The following EXD3 variants were observed in gnomAD, a reference collection of about 807,000 sequenced individuals.
EXD3 encodes the protein exonuclease mut-7 homolog.
EXD3 carries 92 observed loss-of-function variants against 98.0 expected under a neutral mutation model. That is an observed-to-expected ratio of 0.94 (90% confidence interval 0.79 to 1.12). The LOEUF (loss-of-function observed/expected upper bound fraction) is 1.12, where lower values mean the gene tolerates loss of function less well. Ranked by LOEUF, EXD3 falls within the 50% of genes most tolerant of loss-of-function variation. EXD3 has a pLI of 0.00. For missense variants in EXD3, 1,222 were observed against 1,191.6 expected (o/e 1.03, Z -0.38); for synonymous variants, 569 against 526.0 (o/e 1.08, Z -1.12).
chr9:137,366,404 C>T (rs59618117), intron 7 of EXD3, 89 bp downstream of exon 7: 58,413 of 1,503,408 alleles, frequency 0.039, 1,293 homozygotes, highest in Middle Eastern at 0.099. Context: ...AGCTCTCCCA[C>T]GCGCCTGCTG....
At chr9:137,410,503 A>T (rs1837942569) in intron 1 of EXD3, among the ~76,000 whole-genome samples, 1 of 151,960 alleles carries the variant, frequency 6.6e-6, no homozygotes, top group Non-Finnish European at 1.5e-5. Flanking sequence ...AAAAAAAAAA[A>T]AATTAACAAC....
intron 10 of EXD3, chr9:137,353,176 T>C (rs1487551456): frequency 5.0e-5 from 48 of 958,064 alleles, no homozygotes; most frequent in African/African-American, 4.8e-4. Flanking sequence ...CTGACCTTCC[T>C]GGCCTCCAAG....
At chr9:137,392,165 G>C (rs1490222147) in intron 2 of EXD3, 1 of 152,374 alleles carries the variant, frequency 6.6e-6, no homozygotes, top group African/African-American at 2.4e-5. Context: ...AGTTTTAGGA[G>C]GAAAGGAATC....
intron 17 of EXD3, among the ~76,000 whole-genome samples, chr9:137,328,214 T>A (rs374149712): frequency 7.0e-6 from 1 of 142,988 alleles, no homozygotes; most frequent in South Asian, 2.2e-4. Context: ...TACTCCCATA[T>A]GATGAGTAAA....
chr9:137,343,926 T>C (rs11526464), intron 17 of EXD3, among the ~76,000 whole-genome samples: 98,148 of 103,592 alleles, frequency 0.95, 46,486 homozygotes, highest in East Asian at 1. Flanking sequence ...GAGTCTCACT[T>C]TGTCTCCCAG....
chr9:137,326,157 G>A (rs902161230), intron 17 of EXD3, among the ~76,000 whole-genome samples: 2 of 151,658 alleles, frequency 1.3e-5, no homozygotes, highest in South Asian at 2.1e-4. Context: ...GGATTTCTTC[G>A]ATATGACACC....
At chr9:137,365,963 C>T (rs761071547) in intron 7 of EXD3, 19 of 506,392 alleles carry the variant, frequency 3.8e-5, no homozygotes, top group African/African-American at 5.8e-5. Flanking sequence ...GCACATATCA[C>T]GTGCACACAC....
intron 19 of EXD3, among the ~76,000 whole-genome samples, chr9:137,319,636 G>T (rs577067985): frequency 2.2e-4 from 33 of 152,296 alleles, no homozygotes; most frequent in African/African-American, 7.5e-4. Flanking sequence ...AGCACCTCTC[G>T]GGACTCCAGA....
intron 1 of EXD3, among the ~76,000 whole-genome samples, chr9:137,398,997 G>A (rs781240807): frequency 9.2e-5 from 14 of 151,904 alleles, no homozygotes; most frequent in Non-Finnish European, 1.5e-4. Context: ...CGTGACACGC[G>A]TCCAACATCC....
chr9:137,307,046 C>A lies in EXD3; in HGVS notation c.2535G>T (p.Leu845=), dbSNP rs576576838. The A allele has an allele frequency of 2.7e-5, 43 of 1,612,238 alleles. No homozygotes were observed. In the South Asian group the frequency reaches 4.7e-4, roughly 18 times the overall value. ...CTCGGAAGTGGGTGGCAACACGACC[C>A]AGGTGGGAGCCGTCCCAGAAGACCT... ...CGKVFWDGSH[L]GRVATHFRDM... Residue 845 remains leucine (L), a synonymous_variant, in exon 22 of 22, where the codon CTG becomes CTT. Transcript: ENST00000340951.
At chr9:137,418,774 A>G (rs1223284762) in intron 1 of EXD3, among the ~76,000 whole-genome samples, 2 of 152,144 alleles carry the variant, frequency 1.3e-5, no homozygotes, top group African/African-American at 4.8e-5. Context: ...AACAGAAAAA[A>G]AAAAAGGGGA....
At chr9:137,378,495 G>A (rs950745269) in intron 3 of EXD3, among the ~76,000 whole-genome samples, 3 of 152,204 alleles carry the variant, frequency 2.0e-5, no homozygotes, top group Non-Finnish European at 2.9e-5. Flanking sequence ...ACAGCCGTGA[G>A]CCACCACACC....
chr9:137,367,142 AC>A (rs1245197497), intron 6 of EXD3, among the ~76,000 whole-genome samples: 1 of 151,624 alleles, frequency 6.6e-6, no homozygotes, highest in African/African-American at 2.4e-5. Flanking sequence ...AAGACTCCTC[AC>A]CTCCCTTCCC....
Position 137,348,202 on chromosome 9 carries a change from G to A in EXD3, c.1867C>T (p.Pro623Ser). 1 of 1,611,904 alleles carries A rather than the reference G, an allele frequency of 6.2e-7. No homozygotes were observed. The highest frequency in any genetic ancestry group is 8.5e-7 in the Non-Finnish European group (1 of 1,179,660). The change falls in exon 17 of 22, where the codon CCT (proline) becomes TCT (serine). Residue 623 changes from proline to serine, a missense_variant. Coordinates refer to ENST00000340951, the MANE Select transcript of EXD3 (RefSeq NM_017820.5). ...CGGAAGGCCCTGGCCGGAATCTGAG[G>A]GGCAGCGCCCTCAGACACAGCCACA... ...VAVAVSEGAA[P>S]QIPARAFRVV...
At position 137,405,668 on chromosome 9, in the gene EXD3, T is replaced by A. The variant is rs1837681055; in HGVS notation, c.-47-10264A>T. Among the ~76,000 whole-genome samples, 1 of 152,246 alleles carries A rather than the reference T, an allele frequency of 6.6e-6. No individual in the cohort carries two copies. The highest frequency in any genetic ancestry group is 1.9e-4 in the East Asian group (1 of 5,206). ...CTCTATTGTTGGTTTCCTCCCTGGATCTTCTGCTGAAAGCACATTTGATTT... is the reference window on the plus strand; with the variant it reads ...CTCTATTGTTGGTTTCCTCCCTGGAACTTCTGCTGAAAGCACATTTGATTT... On this transcript the variant is annotated intron_variant, in intron 1 of 21. Coordinates refer to ENST00000340951, the MANE Select transcript of EXD3 (RefSeq NM_017820.5). The surrounding 1 kb of genome is among the most constrained non-coding windows in gnomAD (Gnocchi z 4.1).
rs181247802 is a variant in EXD3 at position 137,342,649 on chromosome 9, C to T, written c.1998+5422G>A. 2.0e-4 allele frequency among the ~76,000 whole-genome samples: 31 copies of T among 152,168 alleles called. No homozygotes were observed. The East Asian group carries it at 3.7e-3, about 18-fold the overall frequency. Reference sequence around the variant, plus strand: ...CACATTGTTTGTAAAGATTAGGAACCGCAAACCACCTTCGTCATTAGGGAA... The same window carrying T: ...CACATTGTTTGTAAAGATTAGGAACTGCAAACCACCTTCGTCATTAGGGAA... On this transcript the variant is annotated intron_variant, in intron 17 of 21. Coordinates refer to ENST00000340951, the MANE Select transcript of EXD3 (RefSeq NM_017820.5).
At chr9:137,353,918 C>T in intron 10 of EXD3, 1 of 1,009,790 alleles carries the variant, frequency 9.9e-7, no homozygotes, top group Non-Finnish European at 1.2e-6. Context: ...TGGAAGCCGC[C>T]CGCATTCTTC....
At chr9:137,392,682 AGGGGGTGCTGTGTCTGTTCT>A (rs931520356) in intron 2 of EXD3, 32 of 332,162 alleles carry the variant, frequency 9.6e-5, no homozygotes, top group African/African-American at 6.4e-4. Context: ...AGGCTGTTCC[AGGGGGTGCTGTGTCTGTTCT>A]GGGGGGGCTG....
chr9:137,412,870 A>G (rs1452759224), intron 1 of EXD3, among the ~76,000 whole-genome samples: 1 of 150,952 alleles, frequency 6.6e-6, no homozygotes, highest in African/African-American at 2.4e-5. Flanking sequence ...CTCAATCTCC[A>G]GGGCTCAAAC....
Sources: allele counts gnomAD v4.1 joint callset (sites outside exome capture counted in the v4.1 genomes callset), GRCh38; gene constraint gnomAD v4.1.1; non-coding constraint Gnocchi (gnomAD v3.1); transcripts MANE v1.5; gene names NCBI Gene and HGNC (gene_info 2026-07-23, HGNC 2026-07-21).